PIK3C3: variants seen among roughly 807,000 people sequenced by gnomAD.
PIK3C3 encodes the protein phosphatidylinositol 3-kinase catalytic subunit type 3.
A neutral mutation model predicts 126.1 loss-of-function variants in PIK3C3; 95 were observed. That is an observed-to-expected ratio of 0.75 (90% CI 0.64 to 0.89). The LOEUF is 0.89. Among genes scored for constraint, PIK3C3 ranks in the 40% least tolerant of loss-of-function variants. The probability of loss-of-function intolerance (pLI) is 0.00; values close to 1 mark genes in which losing one functional copy is unlikely to be tolerated. For synonymous variants in PIK3C3, 374 were observed against 360.0 expected, an observed-to-expected ratio of 1.04 and a Z score of -0.44; for missense variants, 829 against 1,063.2, an observed-to-expected ratio of 0.78 and a Z score of 3.06.
intron 24 of PIK3C3, among the ~76,000 whole-genome samples, chr18:42,073,160 T>C (rs932742753): frequency 1.3e-5 from 2 of 152,144 alleles, no homozygotes; most frequent in Non-Finnish European, 2.9e-5. Flanking sequence ...GTTCAGAAGG[T>C]TCAGAAGTTC....
In PIK3C3 at chr18:42,038,837, C is replaced by A. The variant is rs749865214; in HGVS notation, c.2025C>A (p.Thr675=). 6.3e-7 allele frequency: 1 copy of A among 1,586,190 alleles called. No homozygotes were observed. Among genetic ancestry groups the A allele is most frequent in the South Asian group, 1.1e-5 (1 of 89,750 alleles). ...LKLTPYKVLA[T]STKHGFMQFI... ...TGACACCTTATAAGGTGTTAGCCAC[C>A]AGTACAAAACATGGTAAGTGTATTT... The change falls in exon 18 of 25, where the codon ACC becomes ACA. Residue 675 remains threonine, a synonymous_variant. Coordinates refer to ENST00000262039, the MANE Select transcript of PIK3C3 (RefSeq NM_002647.4).
chr18:41,963,209 A>T (rs191763324), intron 3 of PIK3C3, among the ~76,000 whole-genome samples: 2 of 152,252 alleles, frequency 1.3e-5, no homozygotes, highest in Admixed American at 6.5e-5. Context: ...TGCATTTACT[A>T]ATAGGAATTT....
intron 5 of PIK3C3, among the ~76,000 whole-genome samples, chr18:41,988,797 A>G (rs1014256888): frequency 1.2e-4 from 18 of 152,126 alleles, no homozygotes; most frequent in African/African-American, 2.4e-4. Context: ...ATACATTCCT[A>G]TATACATAAA....
At chr18:42,000,479 A>T (rs1982232306) in intron 9 of PIK3C3, among the ~76,000 whole-genome samples, 1 of 152,150 alleles carries the variant, frequency 6.6e-6, no homozygotes, top group African/African-American at 2.4e-5. Context: ...AGGGATGGAG[A>T]AGAAGCTATA....
chr18:41,964,847 A>C (rs1219141046), intron 3 of PIK3C3, among the ~76,000 whole-genome samples: 1 of 152,080 alleles, frequency 6.6e-6, no homozygotes, highest in Non-Finnish European at 1.5e-5. Flanking sequence ...TAAACTCATG[A>C]ATGAAATCTA....
chr18:41,994,217 A>G (rs373773597), intron 7 of PIK3C3, among the ~76,000 whole-genome samples: 1 of 152,250 alleles, frequency 6.6e-6, no homozygotes, highest in East Asian at 1.9e-4. Context: ...TAAAAAGTTA[A>G]AAAGAAAAGG....
In PIK3C3 at chr18:42,047,707, A is replaced by C. The variant is rs576021882; in HGVS notation, c.2189-1824A>C. ...GAAGGCTTCTCAACCTTTGGTGTGCATAGTAATTTTTGAAAGCTTGTTAAA... is the reference window on the plus strand; with the variant it reads ...GAAGGCTTCTCAACCTTTGGTGTGCCTAGTAATTTTTGAAAGCTTGTTAAA... On this transcript the variant is annotated intron_variant, in intron 20 of 24. Coordinates refer to ENST00000262039, the MANE Select transcript of PIK3C3 (RefSeq NM_002647.4). Among the ~76,000 whole-genome samples, 8 of 152,308 alleles carry C rather than the reference A, an allele frequency of 5.3e-5. No homozygotes were observed. The South Asian group carries it at 1.7e-3, about 32-fold the overall frequency.
At chr18:41,976,056 G>T (rs1482726713) in intron 4 of PIK3C3, among the ~76,000 whole-genome samples, 2 of 152,092 alleles carry the variant, frequency 1.3e-5, no homozygotes, top group Non-Finnish European at 2.9e-5. Flanking sequence ...TATGCTGGTT[G>T]TACTGCATCT....
rs575794611 is a variant in PIK3C3 at position 42,067,858 on chromosome 18, G to T, written c.2649+345G>T. Among the ~76,000 whole-genome samples, 686 of 152,302 alleles carry T rather than the reference G, an allele frequency of 4.5e-3. 3 individuals are homozygous for T. Among genetic ancestry groups the T allele is most frequent in the African/African-American group, 0.016 (656 of 41,564 alleles). On this transcript the variant is annotated intron_variant, in intron 24 of 24. Coordinates refer to ENST00000262039, the MANE Select transcript of PIK3C3 (RefSeq NM_002647.4). ...GTTGGGTTTTGGTGAATGATGAAGT[G>T]CTGGGAAAGTTTAGAAGCTAAGAAA...
At chr18:42,075,003 CAGT>C (rs1985920831) in intron 24 of PIK3C3, among the ~76,000 whole-genome samples, 1 of 152,138 alleles carries the variant, frequency 6.6e-6, no homozygotes, top group African/African-American at 2.4e-5. Context: ...TCATATCACT[CAGT>C]ATATGTAATT....
chr18:42,042,336 G>T (rs1320745981), intron 19 of PIK3C3, among the ~76,000 whole-genome samples: 3 of 152,182 alleles, frequency 2.0e-5, no homozygotes, highest in Non-Finnish European at 2.9e-5. Flanking sequence ...TTCTGTGTAT[G>T]TTTTCCATGT....
chr18:42,060,213 G>T (rs1318768088), intron 22 of PIK3C3, among the ~76,000 whole-genome samples: 1 of 152,020 alleles, frequency 6.6e-6, no homozygotes, highest in African/African-American at 2.4e-5. Flanking sequence ...GATATGATCG[G>T]CCCTGTTATT....
chr18:41,989,294 C>T (rs534848812), intron 5 of PIK3C3, among the ~76,000 whole-genome samples: 3 of 152,128 alleles, frequency 2.0e-5, no homozygotes, highest in East Asian at 1.9e-4. Context: ...TAGTCTCAGA[C>T]TCCTGGCTTC....
Position 41,955,304 on chromosome 18 carries a change from G to C in PIK3C3, c.13G>C (p.Glu5Gln), listed in dbSNP as rs1178758289. 6.2e-7 allele frequency: 1 copy of C among 1,613,412 alleles called. No homozygotes were observed. Among genetic ancestry groups the C allele is most frequent in the Non-Finnish European group, 8.5e-7 (1 of 1,179,666 alleles). Residue 5 changes from glutamate (E) to glutamine (Q), a missense_variant, in exon 1 of 25, where the codon GAG becomes CAG. By Grantham distance (29) the Glu-to-Gln change is conservative. Around this residue, in one of 4 missense-constraint regions of PIK3C3, gnomAD observed 313 missense variants for 340.7 expected, o/e 0.92. Transcript: ENST00000262039. MGEA[E>Q]KFHYIYSCDL... ...TGCAGACGGTGCGATGGGGGAAGCA[G>C]AGAAGTTTCACTACATCTATAGTTG... is the stretch of plus-strand genomic sequence containing the variant.
chr18:42,042,998 A>G (rs1984392981), intron 19 of PIK3C3, among the ~76,000 whole-genome samples: 1 of 151,652 alleles, frequency 6.6e-6, no homozygotes, highest in Non-Finnish European at 1.5e-5. Context: ...CGTTGTTTGT[A>G]TTTTTTGTAT....
rs756146685 is a variant in PIK3C3 at position 41,955,371 on chromosome 18, C to T, written c.68+12C>T. 3 of 1,609,698 alleles carry T rather than the reference C, an allele frequency of 1.9e-6. No individual in the cohort carries two copies. The East Asian group carries it at 6.7e-5, about 36-fold the overall frequency. On this transcript the variant is annotated intron_variant, in intron 1 of 24. Transcript: ENST00000262039. ...GTCCAGCTTAAGATGTAAGAGAACA[C>T]TCGGGACAGGGAGTGGGATTGCTGG...
At chr18:42,003,373 G>C (rs1437105243) in intron 9 of PIK3C3, among the ~76,000 whole-genome samples, 22 of 152,170 alleles carry the variant, frequency 1.4e-4, no homozygotes, top group Admixed American at 1.4e-3. Flanking sequence ...GTTCAGCCAG[G>C]AAAGTGTTGC....
intron 10 of PIK3C3, among the ~76,000 whole-genome samples, chr18:42,006,229 T>A (rs1982534498): frequency 6.6e-6 from 1 of 151,176 alleles, no homozygotes; most frequent in African/African-American, 2.4e-5. Flanking sequence ...AAATGACACA[T>A]GGGTTGAGGT....
intron 22 of PIK3C3, chr18:42,059,733 G>A (rs1051703304): frequency 6.7e-6 from 1 of 149,834 alleles, no homozygotes; most frequent in Non-Finnish European, 1.5e-5. Flanking sequence ...AAATTTCCCT[G>A]TACTTAATAT....
Sources: gnomAD v4.1 joint callset for allele counts (sites outside exome capture counted in the v4.1 genomes callset) on GRCh38, gnomAD v4.1.1 for gene constraint, gnomAD v4.1.1 regional missense constraint, MANE v1.5 for transcripts, NCBI Gene and HGNC (gene_info 2026-07-23, HGNC 2026-07-21) for gene names.